CLASP2: variants seen among roughly 807,000 people sequenced by gnomAD.
CLASP2 encodes the protein CLIP-associating protein 2.
Under a neutral mutation model 194.4 loss-of-function variants are expected in CLASP2, and 47 were observed. The ratio of observed to expected loss-of-function variants is 0.24; its 90% CI spans 0.19 to 0.31. The LOEUF (loss-of-function observed/expected upper bound fraction) is 0.31, where lower values mean the gene tolerates loss of function less well. Among genes scored for constraint, CLASP2 ranks in the 10% least tolerant of loss-of-function variants. The pLI, the probability that CLASP2 is intolerant of heterozygous loss-of-function variation, is 1.00. For missense variants in CLASP2, 1,445 were observed against 1,823.6 expected (o/e 0.79, Z 3.78); for synonymous variants, 619 against 633.5 (o/e 0.98, Z 0.34).
intron 30 of CLASP2, among the ~76,000 whole-genome samples, chr3:33,550,646 T>TAA (rs141404477): frequency 6.9e-6 from 1 of 145,894 alleles, no homozygotes; most frequent in Non-Finnish European, 1.5e-5. Flanking sequence ...TTATGATACT[T>TAA]AAAAAAAAAA....
intron 6 of CLASP2, among the ~76,000 whole-genome samples, chr3:33,674,164 C>T (rs574485602): frequency 3.3e-5 from 5 of 152,302 alleles, no homozygotes; most frequent in South Asian, 4.1e-4. Context: ...AACACAACAC[C>T]TATTCCAAAA....
chr3:33,526,751 G>C (rs1244509613), intron 34 of CLASP2, among the ~76,000 whole-genome samples: 1 of 152,058 alleles, frequency 6.6e-6, no homozygotes, highest in Non-Finnish European at 1.5e-5. Flanking sequence ...CTCAAGAAAA[G>C]TAAAAGAACC....
At chr3:33,633,654 T>C (rs961080042) in intron 8 of CLASP2, among the ~76,000 whole-genome samples, 2 of 151,174 alleles carry the variant, frequency 1.3e-5, no homozygotes, top group East Asian at 3.9e-4. Context: ...CAAAGAAGGA[T>C]GGACTCACAA....
rs569729610 is a variant in CLASP2 at position 33,497,571 on chromosome 3, T to C, written c.*1060A>G. 3 of 152,746 alleles carry C rather than the reference T, an allele frequency of 2.0e-5. No homozygotes were observed. Among genetic ancestry groups the C allele is most frequent in the Admixed American group, 2.0e-4 (3 of 15,300 alleles). 9.5% of individuals were successfully genotyped at this position (152,746 alleles called of 1,614,324 possible). A position where few individuals can be genotyped will look rare whatever the true frequency, so the allele number is the denominator to read the frequency against. ...AGAGGTAGAGAATTTGAGCCCATTATACAAAGACAGCCTTGGCACCATCTT... is the reference window on the plus strand; with the variant it reads ...AGAGGTAGAGAATTTGAGCCCATTACACAAAGACAGCCTTGGCACCATCTT... On this transcript the variant is annotated 3_prime_UTR_variant, in exon 39 of 39. Transcript: ENST00000682230.
intron 10 of CLASP2, among the ~76,000 whole-genome samples, chr3:33,625,007 T>G (rs945392925): frequency 6.6e-6 from 1 of 152,034 alleles, no homozygotes; most frequent in African/African-American, 2.4e-5. Context: ...CAGCATCTAC[T>G]AAAATAAAAT....
chr3:33,638,298 T>A (rs1341853488), intron 8 of CLASP2, among the ~76,000 whole-genome samples: 3 of 152,194 alleles, frequency 2.0e-5, no homozygotes, highest in South Asian at 4.2e-4. Context: ...CTTTTTATTT[T>A]TTTATTTTTA....
intron 37 of CLASP2, chr3:33,502,979 T>A (rs2047174343): frequency 6.6e-6 from 1 of 152,210 alleles, no homozygotes; most frequent in Non-Finnish European, 1.5e-5. Context: ...TAAGTTTACA[T>A]CTTCCTCCCC....
chr3:33,570,549 A>C (rs2063538989), intron 26 of CLASP2, 178 bp downstream of exon 26: 1 of 733,834 alleles, frequency 1.4e-6, no homozygotes, highest in Non-Finnish European at 2.2e-6. Context: ...GGAGAAGCTC[A>C]AATAGTTACC....
intron 1 of CLASP2, among the ~76,000 whole-genome samples, chr3:33,701,684 A>G (rs187550524): frequency 6.6e-6 from 1 of 152,356 alleles, no homozygotes; most frequent in Admixed American, 6.5e-5. Flanking sequence ...ATCTCCAACA[A>G]CTGTGCAAAG....
At chr3:33,548,166 T>C (rs978425674) in intron 30 of CLASP2, among the ~76,000 whole-genome samples, 1 of 152,166 alleles carries the variant, frequency 6.6e-6, no homozygotes, top group Non-Finnish European at 1.5e-5. Flanking sequence ...GTAGTTTGTA[T>C]TTTTCTAGGA....
intron 34 of CLASP2, among the ~76,000 whole-genome samples, chr3:33,532,271 C>T (rs1247927192): frequency 6.6e-6 from 1 of 151,922 alleles, no homozygotes; most frequent in Non-Finnish European, 1.5e-5. Context: ...AAGCCAGTCA[C>T]AAAATGACAA....
chr3:33,564,735 C>A (rs2062380393), intron 27 of CLASP2, among the ~76,000 whole-genome samples: 1 of 152,070 alleles, frequency 6.6e-6, no homozygotes, highest in African/African-American at 2.4e-5. Flanking sequence ...GGGCTACAGG[C>A]ATGCACCATC....
At chr3:33,606,194 C>G (rs763782669) in intron 16 of CLASP2, among the ~76,000 whole-genome samples, 1 of 151,416 alleles carries the variant, frequency 6.6e-6, no homozygotes, top group Non-Finnish European at 1.5e-5. Flanking sequence ...TTAAGCTGTG[C>G]GACAGGTTAG....
At chr3:33,670,179 A>G (rs141317285) in intron 6 of CLASP2, among the ~76,000 whole-genome samples, 1 of 152,284 alleles carries the variant, frequency 6.6e-6, no homozygotes, top group Non-Finnish European at 1.5e-5. Context: ...AAAAAAGTAT[A>G]TGATTCTATT....
chr3:33,622,033 A>C (rs2077199622), intron 11 of CLASP2, 102 bp downstream of exon 11: 1 of 883,860 alleles, frequency 1.1e-6, no homozygotes, highest in Non-Finnish European at 1.6e-6. Context: ...TGGATCATAT[A>C]CTTTTTTAGC....
intron 15 of CLASP2, 63 bp downstream of exon 15, chr3:33,607,321 C>T: frequency 4.5e-6 from 5 of 1,112,356 alleles, no homozygotes; most frequent in Non-Finnish European, 6.3e-6. Flanking sequence ...TATTTTCATT[C>T]TCCTAATACA....
chr3:33,688,921 A>G (rs891306597), intron 3 of CLASP2, among the ~76,000 whole-genome samples: 7 of 152,200 alleles, frequency 4.6e-5, no homozygotes, highest in Non-Finnish European at 7.4e-5. Flanking sequence ...ATAAACCTAT[A>G]CAAATAATCT....
chr3:33,538,824 A>G lies in CLASP2; in HGVS notation c.3523T>C (p.Leu1175=), dbSNP rs1270787639. 2.5e-6 allele frequency: 4 copies of G among 1,597,298 alleles called. No homozygotes were observed. The highest frequency in any genetic ancestry group is 1.1e-5 in the South Asian group (1 of 87,040). ...FRSQEDMNEP[L]KRDSKKDDGD... is the part of the protein sequence containing the mutation. ...TCATCTTTTTTAGAATCCCTTTTCA[A>G]TGGCTCATTCATATCTTCTTGGCTA... The change falls in exon 33 of 39, where the codon TTG becomes CTG. Residue 1175 remains leucine (L), a synonymous_variant. Transcript: ENST00000682230.
chr3:33,666,673 C>A (rs1015482915), intron 6 of CLASP2, among the ~76,000 whole-genome samples: 4 of 152,058 alleles, frequency 2.6e-5, no homozygotes, highest in East Asian at 1.9e-4. Flanking sequence ...TTATGAACAC[C>A]TGTGTGTAGG....
Sources: allele counts gnomAD v4.1 joint callset (sites outside exome capture counted in the v4.1 genomes callset), GRCh38; gene constraint gnomAD v4.1.1; transcripts MANE v1.5; gene names NCBI Gene and HGNC (gene_info 2026-07-23, HGNC 2026-07-21).